The following PDE10A variants were observed in gnomAD, a reference collection of about 807,000 sequenced individuals.
PDE10A encodes the protein phosphodiesterase 10A, also known as cAMP and cAMP-inhibited cGMP 3',5'-cyclic phosphodiesterase 10A.
In PDE10A, 39 loss-of-function variants were observed where a neutral mutation model predicts 97.7. The observed-to-expected ratio is 0.40, with a 90% CI of 0.31 to 0.52. The LOEUF (loss-of-function observed/expected upper bound fraction) is 0.52. Among genes scored for constraint, PDE10A ranks in the 20% least tolerant of loss-of-function variants. The pLI, the probability that PDE10A is intolerant of heterozygous loss-of-function variation, is 0.56. For missense variants in PDE10A, 731 were observed against 1,047.8 expected (o/e 0.70, Z 4.17); for synonymous variants, 371 against 376.8 (o/e 0.98, Z 0.18).
At chr6:165,904,401 A>G (rs1282705516) in intron 1 of PDE10A, among the ~76,000 whole-genome samples, 1 of 152,228 alleles carries the variant, frequency 6.6e-6, no homozygotes, top group Non-Finnish European at 1.5e-5. Flanking sequence ...GCAATGAACA[A>G]TGAAGAGAGG....
chr6:165,693,329 A>T (rs1164150954), intron 1 of PDE10A, among the ~76,000 whole-genome samples: 3 of 152,004 alleles, frequency 2.0e-5, no homozygotes, highest in Non-Finnish European at 4.4e-5. Context: ...TCAGGAGTTC[A>T]AGATCAGCCT....
intron 2 of PDE10A, among the ~76,000 whole-genome samples, chr6:165,508,458 C>T (rs1407363122): frequency 6.6e-6 from 1 of 151,932 alleles, no homozygotes; most frequent in Non-Finnish European, 1.5e-5. Context: ...TATCCATTCA[C>T]TTCTTGGTGG....
intron 1 of PDE10A, among the ~76,000 whole-genome samples, chr6:165,573,983 T>C (rs967410736): frequency 1.3e-5 from 2 of 152,238 alleles, no homozygotes; most frequent in Non-Finnish European, 2.9e-5. Context: ...ACTTCGGCCA[T>C]TACTGTGTGA....
In PDE10A at chr6:165,413,469, G is replaced by A. The variant is rs752286346; in HGVS notation, c.2076+32C>T. ...AAAGATTCCAAATTAATATTGAGTA[G>A]TAAAAAATGGTATTTAATAAATAGT... On this transcript the variant is annotated intron_variant, in intron 13 of 21. Transcript: ENST00000539869. 5 of 1,464,406 alleles carry A rather than the reference G, an allele frequency of 3.4e-6. No homozygotes were observed. The South Asian group carries it at 6.2e-5, about 18-fold the overall frequency. The allele number at this position is 1,464,406 out of a possible 1,614,324, so 90.7% of individuals were successfully genotyped here. A position where few individuals can be genotyped will look rare whatever the true frequency, so the allele number is the denominator to read the frequency against.
chr6:165,696,917 A>C (rs1791456663), intron 1 of PDE10A, among the ~76,000 whole-genome samples: 1 of 152,230 alleles, frequency 6.6e-6, no homozygotes, highest in Non-Finnish European at 1.5e-5. Flanking sequence ...ATTCAGCAGA[A>C]GGACTCATCA....
intron 19 of PDE10A, among the ~76,000 whole-genome samples, chr6:165,341,533 T>C (rs569062171): frequency 1.3e-5 from 2 of 152,328 alleles, no homozygotes; most frequent in Admixed American, 1.3e-4. Context: ...AGTGCAAGGT[T>C]TTTGCTCCTG....
At chr6:165,632,529 A>T (rs999209253) in intron 1 of PDE10A, among the ~76,000 whole-genome samples, 2 of 152,242 alleles carry the variant, frequency 1.3e-5, no homozygotes, top group African/African-American at 4.8e-5. Flanking sequence ...GAGATGCCTG[A>T]AAAAGCAGAG....
At chr6:165,964,254 C>T (rs1417307410) in intron 1 of PDE10A, among the ~76,000 whole-genome samples, 1 of 152,160 alleles carries the variant, frequency 6.6e-6, no homozygotes, top group Non-Finnish European at 1.5e-5. Flanking sequence ...AGCTTAGCAT[C>T]GGGCTTCCTA....
chr6:165,371,295 G>A (rs148773374), intron 18 of PDE10A, among the ~76,000 whole-genome samples: 3,140 of 152,110 alleles, frequency 0.021, 109 homozygotes, highest in African/African-American at 0.072. Flanking sequence ...CCAGGAGCTG[G>A]TTTTTTGAAA....
intron 1 of PDE10A, among the ~76,000 whole-genome samples, chr6:165,708,269 T>C (rs886688922): frequency 6.6e-6 from 1 of 152,134 alleles, no homozygotes; most frequent in East Asian, 1.9e-4. Flanking sequence ...CACTGACTCC[T>C]GGAGAGGCTT....
intron 1 of PDE10A, among the ~76,000 whole-genome samples, chr6:165,594,223 G>T (rs1434501255): frequency 6.6e-6 from 1 of 152,194 alleles, no homozygotes; most frequent in Non-Finnish European, 1.5e-5. Context: ...TGGAGAAGTG[G>T]CTGATTCCAG....
Position 165,413,661 on chromosome 6 carries a change from G to T in PDE10A, c.1916C>A (p.Thr639Asn). 3 of 1,613,968 alleles carry T rather than the reference G, an allele frequency of 1.9e-6. No homozygotes were observed. Among genetic ancestry groups the T allele is most frequent in the Non-Finnish European group, 2.5e-6 (3 of 1,179,916 alleles). ...NREVDLYTGY[T>N]TRNILCMPIV... ...GGGCATGCACAGGATGTTCCGCGTG[G>T]TGTAGCCTGTGTACAAGTCTACTTC... Residue 639 changes from threonine to asparagine, a missense_variant, in exon 13 of 22, where the codon ACC becomes AAC. Thr to Asn is a moderately conservative substitution (Grantham distance 65). This residue lies in a region of PDE10A where 108 missense variants were observed against 199.8 expected (regional missense o/e 0.54). Transcript: ENST00000539869.
chr6:165,765,042 C>T (rs1562724995), intron 1 of PDE10A, among the ~76,000 whole-genome samples: 1 of 152,146 alleles, frequency 6.6e-6, no homozygotes, highest in Non-Finnish European at 1.5e-5. Flanking sequence ...CCCACCAGAG[C>T]AGCTAGATAC....
chr6:165,689,144 A>G (rs1227008551), intron 1 of PDE10A, among the ~76,000 whole-genome samples: 1 of 152,108 alleles, frequency 6.6e-6, no homozygotes, highest in Non-Finnish European at 1.5e-5. Context: ...TCCAGTTACA[A>G]TGTAGGCTTT....
chr6:165,562,996 C>T (rs1424650624), intron 1 of PDE10A, among the ~76,000 whole-genome samples: 5 of 152,026 alleles, frequency 3.3e-5, no homozygotes, highest in Non-Finnish European at 5.9e-5. Flanking sequence ...AAAGCATCAA[C>T]GGTGCTCACG....
At chr6:165,441,787 C>T (rs1201646576) in intron 5 of PDE10A, among the ~76,000 whole-genome samples, 1 of 152,084 alleles carries the variant, frequency 6.6e-6, no homozygotes, top group Non-Finnish European at 1.5e-5. Flanking sequence ...GACTGGGGCT[C>T]AAGAACAGTC....
intron 1 of PDE10A, among the ~76,000 whole-genome samples, chr6:165,791,029 C>T (rs1316871231): frequency 1.3e-5 from 2 of 152,058 alleles, no homozygotes; most frequent in African/African-American, 4.8e-5. Context: ...ACCCCAGCAA[C>T]CAACTCCTGG....
At chr6:165,630,422 T>C (rs1026607243) in intron 1 of PDE10A, among the ~76,000 whole-genome samples, 8 of 152,150 alleles carry the variant, frequency 5.3e-5, no homozygotes, top group African/African-American at 1.7e-4. Flanking sequence ...GCTTCATAAC[T>C]TCAATATAAA....
chr6:165,416,849 T>C (rs1343415714), intron 11 of PDE10A, among the ~76,000 whole-genome samples: 1 of 152,242 alleles, frequency 6.6e-6, no homozygotes, highest in Non-Finnish European at 1.5e-5. Context: ...GTACAACTTC[T>C]AGTATTTTTA....
Sources: allele counts gnomAD v4.1 joint callset (sites outside exome capture counted in the v4.1 genomes callset), GRCh38; gene constraint gnomAD v4.1.1; regional missense constraint gnomAD v4.1.1; transcripts MANE v1.5; gene names NCBI Gene and HGNC (gene_info 2026-07-23, HGNC 2026-07-21).